Variants in SLC25A43 observed in about 807,000 individuals in gnomAD.
SLC25A43 encodes the protein solute carrier family 25 member 43, also known as solute carrier family 25, member 43.
A neutral mutation model predicts 22.8 loss-of-function variants in SLC25A43; 10 were observed. The ratio of observed to expected loss-of-function variants is 0.44; its 90% CI spans 0.27 to 0.74. SLC25A43 has a LOEUF of 0.74. SLC25A43 is among the 30% of genes least tolerant of loss of function. The pLI, the probability that SLC25A43 is intolerant of heterozygous loss-of-function variation, is 0.17. For synonymous variants in SLC25A43, 106 were observed against 121.6 expected (o/e 0.87, Z 0.84); for missense variants, 233 against 279.1 (o/e 0.83, Z 1.18).
intron 3 of SLC25A43, among the ~76,000 whole-genome samples, chrX:119,426,877 A>G (rs1323391950): frequency 3.6e-5 from 4 of 110,750 alleles, no homozygotes; most frequent in Admixed American, 1.9e-4. Flanking sequence ...CTATAAACAC[A>G]CAAATGAGCT....
At chrX:119,448,960 G>A (rs2052686055) in intron 3 of SLC25A43, among the ~76,000 whole-genome samples, 1 of 111,508 alleles carries the variant, frequency 9.0e-6, no homozygotes, top group Non-Finnish European at 1.9e-5. Flanking sequence ...AGTGCAGTCA[G>A]TATGATTGGG....
In SLC25A43 at chrX:119,453,124, A is replaced by G; in HGVS notation, c.*59A>G. 1 of 1,020,981 alleles carries G rather than the reference A, an allele frequency of 9.8e-7. No homozygotes were observed. Among genetic ancestry groups the G allele is most frequent in the Non-Finnish European group, 1.4e-6 (1 of 726,012 alleles). 84.1% of individuals were successfully genotyped at this position (1,020,981 alleles called of 1,213,427 possible). Reference sequence around the variant, plus strand: ...GCATGTTGCAATCACAGATAAATGTAGCCTCATAACTGTGCACCTGAGGAG... The same window carrying G: ...GCATGTTGCAATCACAGATAAATGTGGCCTCATAACTGTGCACCTGAGGAG... On this transcript the variant is annotated 3_prime_UTR_variant, in exon 5 of 5. Transcript: ENST00000217909.
intron 1 of SLC25A43, among the ~76,000 whole-genome samples, chrX:119,402,935 G>A (rs1280738361): frequency 9.0e-6 from 1 of 111,591 alleles, no homozygotes; most frequent in Non-Finnish European, 1.9e-5. Flanking sequence ...CTTTTTAATT[G>A]TGTATATTTG....
intron 3 of SLC25A43, among the ~76,000 whole-genome samples, chrX:119,424,224 AAAAG>A (rs1185460646): frequency 2.7e-5 from 3 of 110,234 alleles, no homozygotes; most frequent in Non-Finnish European, 5.7e-5. Context: ...AAAAAAAAAA[AAAAG>A]AAAGAAATTA....
rs34024967 is a variant in SLC25A43 at position 119,416,007 on chromosome X, C to CAAA, written c.690+5663_690+5665dup. ...TGGGTGACAGAGCAAGACCCTATCT[C>CAAA]AAAAAAAAAAAAAAAAAAAAGAATT... is the stretch of plus-strand genomic sequence containing the variant. On this transcript the variant is annotated intron_variant, in intron 3 of 4. Coordinates refer to ENST00000217909, the MANE Select transcript of SLC25A43 (RefSeq NM_145305.3). Among the ~76,000 whole-genome samples the CAAA allele has an allele frequency of 7.3e-4, 37 of 50,372 alleles. 1 individual carries two copies. Among genetic ancestry groups the CAAA allele is most frequent in the African/African-American group, 2.6e-3 (33 of 12,474 alleles). The allele number at this position is 50,372 out of a possible 115,157, so 43.7% of individuals were successfully genotyped here.
intron 3 of SLC25A43, among the ~76,000 whole-genome samples, chrX:119,443,977 A>G (rs1165366871): frequency 1.9e-5 from 2 of 107,396 alleles, no homozygotes; most frequent in Non-Finnish European, 3.9e-5. Context: ...CTGGTCTTGG[A>G]CTCCTGGGAT....
In SLC25A43 at chrX:119,401,777, C is replaced by T. The variant is rs188214823; in HGVS notation, c.275+2099C>T. Among the ~76,000 whole-genome samples, 15 of 109,927 alleles carry T rather than the reference C, an allele frequency of 1.4e-4. No individual in the cohort carries two copies. In the East Asian group the frequency reaches 2.3e-3, roughly 17 times the overall value. ...ATTAAAGCAATTCAATGGAAATGAT[C>T]GTCACATCGTGGCAGAGTAAGATGA... is the stretch of plus-strand genomic sequence containing the variant. On this transcript the variant is annotated intron_variant, in intron 1 of 4. Coordinates refer to ENST00000217909, the MANE Select transcript of SLC25A43 (RefSeq NM_145305.3).
chrX:119,432,102 G>A (rs765875177), intron 3 of SLC25A43, among the ~76,000 whole-genome samples: 1 of 105,681 alleles, frequency 9.5e-6, no homozygotes, highest in South Asian at 4.4e-4. Context: ...GTAGTGAGCC[G>A]AGATCGCTCC....
At chrX:119,403,114 G>A (rs1415423183) in intron 1 of SLC25A43, among the ~76,000 whole-genome samples, 2 of 110,643 alleles carry the variant, frequency 1.8e-5, no homozygotes, top group Non-Finnish European at 3.8e-5. Flanking sequence ...CTAACACAGG[G>A]TCTGATACAT....
intron 3 of SLC25A43, among the ~76,000 whole-genome samples, chrX:119,435,476 TTTTTTA>T (rs1380645960): frequency 6.2e-4 from 18 of 29,034 alleles, no homozygotes; most frequent in Admixed American, 1.6e-3. Context: ...TTTTTTTTTT[TTTTTTA>T]TTATACTCTA....
At chrX:119,417,278 T>C (rs1361892535) in intron 3 of SLC25A43, among the ~76,000 whole-genome samples, 2 of 108,791 alleles carry the variant, frequency 1.8e-5, no homozygotes, top group Non-Finnish European at 3.8e-5. Flanking sequence ...AAAAAAAAAT[T>C]ACCCAGGTGT....
intron 3 of SLC25A43, among the ~76,000 whole-genome samples, chrX:119,446,335 G>C (rs1007288160): frequency 5.4e-5 from 6 of 110,786 alleles, no homozygotes; most frequent in African/African-American, 2.0e-4. Flanking sequence ...AGTATCCTGA[G>C]GGAAAGAGAC....
intron 3 of SLC25A43, among the ~76,000 whole-genome samples, chrX:119,444,267 G>A (rs1023233006): frequency 8.1e-5 from 9 of 111,539 alleles, no homozygotes; most frequent in African/African-American, 2.9e-4. Flanking sequence ...AAAAGAAGCT[G>A]CTTTTAAAGC....
intron 1 of SLC25A43, among the ~76,000 whole-genome samples, chrX:119,403,216 G>A (rs2052253546): frequency 9.0e-6 from 1 of 111,066 alleles, no homozygotes; most frequent in Admixed American, 9.6e-5. Flanking sequence ...GAGAATGAAT[G>A]GTATTTCTTT....
chrX:119,425,076 A>G (rs1603296998), intron 3 of SLC25A43, among the ~76,000 whole-genome samples: 1 of 105,555 alleles, frequency 9.5e-6, no homozygotes, highest in South Asian at 4.1e-4. Flanking sequence ...AAAAAAAAAA[A>G]TCTTTGGAAA....
chrX:119,449,665 G>C (rs932026958), intron 3 of SLC25A43, among the ~76,000 whole-genome samples: 1 of 111,216 alleles, frequency 9.0e-6, no homozygotes, highest in Non-Finnish European at 1.9e-5. Flanking sequence ...AGGAGGTTGA[G>C]GCTGCAGTGA....
intron 3 of SLC25A43, chrX:119,426,240 T>C (rs1178612717): frequency 1.3e-6 from 1 of 754,146 alleles, no homozygotes; most frequent in African/African-American, 2.3e-5. Flanking sequence ...ATGGGCAGAC[T>C]AGCTCAGTGG....
chrX:119,424,159 G>A (rs1176475963), intron 3 of SLC25A43, among the ~76,000 whole-genome samples: 1 of 106,399 alleles, frequency 9.4e-6, no homozygotes, highest in Non-Finnish European at 1.9e-5. Flanking sequence ...TTTGCAGTGA[G>A]CGGAGATCGC....
chrX:119,410,989 T>C (rs1174976835), intron 3 of SLC25A43, among the ~76,000 whole-genome samples: 1 of 111,018 alleles, frequency 9.0e-6, no homozygotes, highest in African/African-American at 3.3e-5. Context: ...CTTGTGGCTC[T>C]CCTTCCTCCA....
Sources: allele counts gnomAD v4.1 joint callset (sites outside exome capture counted in the v4.1 genomes callset), GRCh38; gene constraint gnomAD v4.1.1; transcripts MANE v1.5; gene names NCBI Gene and HGNC (gene_info 2026-07-23, HGNC 2026-07-21).